AMMECR1: variants seen among roughly 807,000 people sequenced by gnomAD.
AMMECR1 encodes AMMECR nuclear protein 1, also known as nuclear protein AMMECR1.
AMMECR1 carries 3 observed loss-of-function variants against 22.5 expected under a neutral mutation model. The ratio of observed to expected loss-of-function variants is 0.13; its 90% confidence interval spans 0.06 to 0.35. AMMECR1 has a LOEUF of 0.35. Among genes scored for constraint, AMMECR1 ranks in the 10% least tolerant of loss-of-function variants. The pLI, the probability that AMMECR1 is intolerant of heterozygous loss-of-function variation, is 1.00. For missense variants in AMMECR1, 235 were observed against 278.7 expected (o/e 0.84, Z 1.12); for synonymous variants, 130 against 116.7 (o/e 1.11, Z -0.74).
intron 2 of AMMECR1, among the ~76,000 whole-genome samples, chrX:110,352,141 C>T (rs1254921544): frequency 8.9e-6 from 1 of 112,094 alleles, no homozygotes; most frequent in Non-Finnish European, 1.9e-5. Flanking sequence ...GGTGCAGCCT[C>T]TGTGGAAGAT....
chrX:110,345,492 A>G (rs2068184806), intron 2 of AMMECR1, among the ~76,000 whole-genome samples: 1 of 104,675 alleles, frequency 9.6e-6, no homozygotes, highest in Non-Finnish European at 1.9e-5. Flanking sequence ...CTTAAAGTGT[A>G]ATAAAAAAAA....
At chrX:110,429,469 T>G (rs751679315) in intron 1 of AMMECR1, among the ~76,000 whole-genome samples, 894 of 80,627 alleles carry the variant, frequency 0.011, 7 homozygotes, top group African/African-American at 0.066. Context: ...TTTTTTTTTT[T>G]TTTTGTTTTG....
chrX:110,405,679 T>C (rs778348149), intron 2 of AMMECR1, among the ~76,000 whole-genome samples: 62 of 111,947 alleles, frequency 5.5e-4, no homozygotes, highest in African/African-American at 1.9e-3. Flanking sequence ...AAGGTATCTC[T>C]ATTAATCTTC....
chrX:110,436,808 G>A (rs1398448761), intron 1 of AMMECR1, among the ~76,000 whole-genome samples: 1 of 112,186 alleles, frequency 8.9e-6, no homozygotes, highest in Non-Finnish European at 1.9e-5. Context: ...GAGGAGGAGA[G>A]CAGCTATGGG....
intron 2 of AMMECR1, among the ~76,000 whole-genome samples, chrX:110,403,770 T>C (rs185164192): frequency 3.6e-5 from 4 of 112,609 alleles, no homozygotes; most frequent in African/African-American, 1.3e-4. Flanking sequence ...TCACACCCTG[T>C]GTGAATATTC....
At chrX:110,280,823 A>C (rs2067848720) in intron 1 of AMMECR1, among the ~76,000 whole-genome samples, 1 of 112,092 alleles carries the variant, frequency 8.9e-6, no homozygotes, top group Non-Finnish European at 1.9e-5. Flanking sequence ...AAAATATTTT[A>C]ATGGCCCCAT....
intron 2 of AMMECR1, among the ~76,000 whole-genome samples, chrX:110,233,635 G>A (rs759991251): frequency 8.9e-6 from 1 of 111,974 alleles, no homozygotes; most frequent in Non-Finnish European, 1.9e-5. Context: ...TATCCACCAC[G>A]ACCAAGTTGG....
rs751906427 is a variant in AMMECR1, at chrX:110,310,374, GT to G, written c.473+7224del. 3.5e-4 allele frequency among the ~76,000 whole-genome samples: 36 copies of G among 104,109 alleles called. No homozygotes were observed. In the East Asian group the frequency reaches 6.3e-3, roughly 18 times the overall value. 90.4% of individuals were successfully genotyped at this position (104,109 alleles called of 115,157 possible). ...TACTTCTGCCAAGCAACCAGAATTT[GT>G]TTTTTTTTTTCCTGCAGTGCCTCTC... On this transcript the variant is annotated intron_variant, in intron 1 of 5. Transcript: ENST00000262844.
At chrX:110,202,129 C>G (rs780089289) in intron 4 of AMMECR1, among the ~76,000 whole-genome samples, 4 of 111,997 alleles carry the variant, frequency 3.6e-5, no homozygotes, top group African/African-American at 1.3e-4. Context: ...GTTTATGCCA[C>G]AATGGAATAT....
chrX:110,286,279 A>T (rs1270820563), intron 1 of AMMECR1, among the ~76,000 whole-genome samples: 1 of 111,606 alleles, frequency 9.0e-6, no homozygotes, highest in Non-Finnish European at 1.9e-5. Flanking sequence ...CCCCAGCATG[A>T]CTAAAGAACT....
At chrX:110,429,690 C>T (rs2068783255) in intron 1 of AMMECR1, among the ~76,000 whole-genome samples, 1 of 110,300 alleles carries the variant, frequency 9.1e-6, no homozygotes. Context: ...CCATGTTGGC[C>T]AGGCTGGTCT....
At chrX:110,358,386 A>C (rs1366353696) in intron 2 of AMMECR1, among the ~76,000 whole-genome samples, 5 of 111,450 alleles carry the variant, frequency 4.5e-5, no homozygotes, top group Non-Finnish European at 9.4e-5. Flanking sequence ...GAGACCCATA[A>C]TCCTAGGAAT....
chrX:110,431,180 T>C (rs2068793405), intron 1 of AMMECR1, among the ~76,000 whole-genome samples: 1 of 112,097 alleles, frequency 8.9e-6, no homozygotes, highest in Admixed American at 9.4e-5. Flanking sequence ...TCTGGGGGCC[T>C]TCCCTCTAAC....
chrX:110,432,328 C>T (rs1416369386), intron 1 of AMMECR1, among the ~76,000 whole-genome samples: 1 of 112,422 alleles, frequency 8.9e-6, no homozygotes, highest in Non-Finnish European at 1.9e-5. Flanking sequence ...ACCACTACAC[C>T]CCCTGCCGGG....
upstream of AMMECR1, among the ~76,000 whole-genome samples, chrX:110,322,865 C>T (rs567814516): frequency 8.1e-5 from 9 of 111,626 alleles, no homozygotes; most frequent in African/African-American, 1.3e-4. Context: ...ACTTACTATT[C>T]GGGATTCCTA....
At chrX:110,283,816 A>C (rs1412121766) in intron 1 of AMMECR1, among the ~76,000 whole-genome samples, 2 of 112,286 alleles carry the variant, frequency 1.8e-5, no homozygotes, top group African/African-American at 3.2e-5. Flanking sequence ...ATACCAGAGA[A>C]AATATTTAAT....
At chrX:110,320,007 GAGAT>G (rs1444536781), upstream of AMMECR1, among the ~76,000 whole-genome samples, 8 of 112,390 alleles carry the variant, frequency 7.1e-5, no homozygotes, top group Non-Finnish European at 3.8e-5. Context: ...AAGATTTTAT[GAGAT>G]AGATAGATGA....
intron 2 of AMMECR1, among the ~76,000 whole-genome samples, chrX:110,370,185 C>T: frequency 9.0e-6 from 1 of 111,336 alleles, no homozygotes. Context: ...CTGTCTCTCT[C>T]TTTTTAAAAT....
chrX:110,362,368 C>T (rs1459701859), intron 2 of AMMECR1, among the ~76,000 whole-genome samples: 1 of 111,773 alleles, frequency 8.9e-6, no homozygotes, highest in Non-Finnish European at 1.9e-5. Flanking sequence ...TCTATTTAAC[C>T]CTCCTGACTC....
Sources: allele counts gnomAD v4.1 joint callset (sites outside exome capture counted in the v4.1 genomes callset), GRCh38; gene constraint gnomAD v4.1.1; transcripts MANE v1.5; gene names NCBI Gene and HGNC (gene_info 2026-07-23, HGNC 2026-07-21).